DPP10: variants seen among roughly 807,000 people sequenced by gnomAD.
The protein encoded by DPP10 is inactive dipeptidyl peptidase 10.
In DPP10, 33 loss-of-function variants were observed where a neutral mutation model predicts 120.9. That is an observed-to-expected ratio of 0.27 (90% CI 0.21 to 0.37). The LOEUF (loss-of-function observed/expected upper bound fraction) is 0.37. Among genes scored for constraint, DPP10 ranks in the 10% least tolerant of loss-of-function variants. DPP10 has a pLI of 1.00. For synonymous variants in DPP10, 337 were observed against 326.1 expected, an observed-to-expected ratio of 1.03 and a Z score of -0.36; for missense variants, 816 against 942.8, an observed-to-expected ratio of 0.87 and a Z score of 1.76.
chr2:115,118,747 TTG>T (rs59183186), intron 1 of DPP10, among the ~76,000 whole-genome samples: 5,340 of 140,304 alleles, frequency 0.038, 116 homozygotes, highest in South Asian at 0.057. Flanking sequence ...ACACAGCTAA[TTG>T]TGTGTGTGTG....
chr2:115,346,407 G>C (rs1205775394), intron 3 of DPP10, among the ~76,000 whole-genome samples: 1 of 152,042 alleles, frequency 6.6e-6, no homozygotes, highest in East Asian at 1.9e-4. Context: ...ATGCATTATT[G>C]GTCAAGGGGA....
chr2:115,648,451 A>T (rs925772379), intron 5 of DPP10, among the ~76,000 whole-genome samples: 1 of 152,064 alleles, frequency 6.6e-6, no homozygotes, highest in African/African-American at 2.4e-5. Flanking sequence ...ATGTGATATA[A>T]TGCATATATT....
At chr2:114,842,802 T>C (rs1310439119) in intron 1 of DPP10, among the ~76,000 whole-genome samples, 1 of 152,084 alleles carries the variant, frequency 6.6e-6, no homozygotes, top group Non-Finnish European at 1.5e-5. Context: ...ATCACAAACA[T>C]TCTTCAGATG....
At chr2:115,324,840 C>A (rs2062261306) in intron 2 of DPP10, among the ~76,000 whole-genome samples, 1 of 152,108 alleles carries the variant, frequency 6.6e-6, no homozygotes, top group Admixed American at 6.6e-5. Context: ...AGACATTTGA[C>A]TCTTCCTTTC....
intron 1 of DPP10, among the ~76,000 whole-genome samples, chr2:114,508,586 A>G (rs1410192325): frequency 6.6e-6 from 1 of 152,146 alleles, no homozygotes; most frequent in Non-Finnish European, 1.5e-5. Flanking sequence ...TACTCTCCTT[A>G]CAGGGCTTAG....
chr2:114,518,707 A>T (rs1458621249), intron 1 of DPP10, among the ~76,000 whole-genome samples: 2 of 152,178 alleles, frequency 1.3e-5, no homozygotes, highest in African/African-American at 2.4e-5. Context: ...TGGAGTCATC[A>T]CCTGCATTTT....
intron 7 of DPP10, among the ~76,000 whole-genome samples, chr2:115,710,506 T>C (rs1385729951): frequency 2.6e-5 from 4 of 152,138 alleles, no homozygotes; most frequent in African/African-American, 9.6e-5. Context: ...GATTGCCTGA[T>C]AATTTTAGAA....
intron 5 of DPP10, chr2:115,579,473 T>G (rs1381779304): frequency 1.3e-5 from 2 of 152,218 alleles, no homozygotes; most frequent in Non-Finnish European, 2.9e-5. Flanking sequence ...CTCTGTGGCC[T>G]AATGGTGGAA....
At chr2:115,354,770 A>G (rs922529195) in intron 3 of DPP10, among the ~76,000 whole-genome samples, 1 of 151,416 alleles carries the variant, frequency 6.6e-6, no homozygotes, top group Non-Finnish European at 1.5e-5. Flanking sequence ...CTCATTGTTC[A>G]ACTCCCACTT....
At chr2:115,312,565 A>G (rs151332046) in intron 2 of DPP10, among the ~76,000 whole-genome samples, 30 of 152,208 alleles carry the variant, frequency 2.0e-4, no homozygotes, top group African/African-American at 6.5e-4. Flanking sequence ...CATCAAGGCC[A>G]TGTACACTCT....
chr2:115,460,738 A>T (rs978364542), intron 3 of DPP10, among the ~76,000 whole-genome samples: 2 of 152,210 alleles, frequency 1.3e-5, no homozygotes, highest in Non-Finnish European at 2.9e-5. Context: ...CTGAGCATAA[A>T]TTGATCTGGC....
At chr2:114,621,062 A>T (rs1413948985) in intron 1 of DPP10, among the ~76,000 whole-genome samples, 1 of 152,116 alleles carries the variant, frequency 6.6e-6, no homozygotes, top group African/African-American at 2.4e-5. Flanking sequence ...GGGTTCTGAG[A>T]GAAGAGATGA....
At chr2:114,913,246 C>T (rs943677662) in intron 1 of DPP10, among the ~76,000 whole-genome samples, 3 of 152,154 alleles carry the variant, frequency 2.0e-5, no homozygotes, top group African/African-American at 2.4e-5. Flanking sequence ...GGCGTGCACT[C>T]GCCTGCAGCC....
intron 11 of DPP10, among the ~76,000 whole-genome samples, chr2:115,762,105 C>T (rs10496503): frequency 0.085 from 12,925 of 152,078 alleles, 608 homozygotes; most frequent in South Asian, 0.13. Context: ...GACTGAGTTA[C>T]TACTGATAAG....
chr2:115,208,963 T>G (rs948753821), intron 1 of DPP10, among the ~76,000 whole-genome samples: 1 of 152,184 alleles, frequency 6.6e-6, no homozygotes, highest in Admixed American at 6.6e-5. Flanking sequence ...CTTTTGAAAT[T>G]GGCTTTGTGT....
intron 1 of DPP10, among the ~76,000 whole-genome samples, chr2:114,840,396 T>C (rs1461132463): frequency 1.3e-5 from 2 of 152,136 alleles, no homozygotes; most frequent in African/African-American, 4.8e-5. Flanking sequence ...GGATAATTTA[T>C]GAAGTTCAAG....
At chr2:115,058,026 C>T (rs576039294) in intron 1 of DPP10, among the ~76,000 whole-genome samples, 3 of 152,298 alleles carry the variant, frequency 2.0e-5, no homozygotes, top group South Asian at 2.1e-4. Flanking sequence ...ATTTCTGCTG[C>T]GTTCGCACTG....
At chr2:114,601,209 T>C (rs780625198) in intron 1 of DPP10, among the ~76,000 whole-genome samples, 4 of 151,944 alleles carry the variant, frequency 2.6e-5, no homozygotes, top group Non-Finnish European at 5.9e-5. Flanking sequence ...CATCCATGGT[T>C]CTTCATCGAG....
chr2:114,562,558 T>C (rs1039868580), intron 1 of DPP10, among the ~76,000 whole-genome samples: 1 of 152,214 alleles, frequency 6.6e-6, no homozygotes, highest in Non-Finnish European at 1.5e-5. Context: ...AATGATGGCA[T>C]AGATCATTTC....
Sources: gnomAD v4.1 joint callset for allele counts (sites outside exome capture counted in the v4.1 genomes callset) on GRCh38, gnomAD v4.1.1 for gene constraint, MANE v1.5 for transcripts, NCBI Gene and HGNC (gene_info 2026-07-23, HGNC 2026-07-21) for gene names.